The following ASIC2 variants were observed in gnomAD, a reference collection of about 807,000 sequenced individuals.
ASIC2 encodes the protein acid sensing ion channel subunit 2, also known as acid-sensing ion channel 2.
A neutral mutation model predicts 57.3 loss-of-function variants in ASIC2; 25 were observed. That is an observed-to-expected ratio of 0.44 (90% CI 0.32 to 0.61). ASIC2 has a LOEUF of 0.61. Among genes scored for constraint, ASIC2 ranks in the 20% least tolerant of loss-of-function variants. The pLI is 0.06. For synonymous variants in ASIC2, 319 were observed against 307.5 expected, an observed-to-expected ratio of 1.04 and a Z score of -0.39; for missense variants, 641 against 738.1, an observed-to-expected ratio of 0.87 and a Z score of 1.52.
chr17:34,155,053 G>A (rs1161577614), intron 1 of ASIC2, among the ~76,000 whole-genome samples: 1 of 150,844 alleles, frequency 6.6e-6, no homozygotes, highest in African/African-American at 2.4e-5. Flanking sequence ...ATCCCCCTCC[G>A]CTTTTCCTCT....
chr17:33,875,977 T>C (rs1567742549), intron 1 of ASIC2, among the ~76,000 whole-genome samples: 1 of 152,146 alleles, frequency 6.6e-6, no homozygotes, highest in Non-Finnish European at 1.5e-5. Context: ...ATTGTGCTAC[T>C]TTAAAAGAAA....
chr17:33,389,328 T>C (rs1317008722), intron 1 of ASIC2, among the ~76,000 whole-genome samples: 1 of 152,190 alleles, frequency 6.6e-6, no homozygotes, highest in Non-Finnish European at 1.5e-5. Context: ...GCTCATTGAC[T>C]GCAACCAGTC....
At chr17:33,042,933 G>T (rs918438241) in intron 3 of ASIC2, among the ~76,000 whole-genome samples, 113 of 145,398 alleles carry the variant, frequency 7.8e-4, no homozygotes, top group Non-Finnish European at 3.3e-4. Context: ...TCCCTGTTTT[G>T]TTTTTTTTTT....
At chr17:33,017,367 G>A (rs2091812084) in intron 8 of ASIC2, among the ~76,000 whole-genome samples, 1 of 151,662 alleles carries the variant, frequency 6.6e-6, no homozygotes, top group Non-Finnish European at 1.5e-5. Flanking sequence ...GCCCAGTGCT[G>A]TTCCAGCTCC....
intron 1 of ASIC2, among the ~76,000 whole-genome samples, chr17:33,479,506 C>T (rs1053198204): frequency 2.0e-5 from 3 of 152,184 alleles, no homozygotes; most frequent in Non-Finnish European, 2.9e-5. Context: ...TTGTCTTGCA[C>T]ACAACAGTGT....
At chr17:33,739,919 A>G (rs1373957485) in intron 1 of ASIC2, among the ~76,000 whole-genome samples, 7 of 151,052 alleles carry the variant, frequency 4.6e-5, no homozygotes, top group Admixed American at 3.3e-4. Flanking sequence ...AAAGAAAAGA[A>G]AAAAGAAAGA....
intron 1 of ASIC2, among the ~76,000 whole-genome samples, chr17:33,588,345 C>CT (rs1362480741): frequency 6.6e-6 from 1 of 152,166 alleles, no homozygotes; most frequent in Non-Finnish European, 1.5e-5. Flanking sequence ...GGTAAATTCA[C>CT]TTTCTCTTTC....
intron 1 of ASIC2, among the ~76,000 whole-genome samples, chr17:33,137,144 A>T (rs1233991661): frequency 6.6e-6 from 1 of 152,202 alleles, no homozygotes; most frequent in Non-Finnish European, 1.5e-5. Context: ...CTCCACTCAC[A>T]TCTGATTCCT....
intron 1 of ASIC2, among the ~76,000 whole-genome samples, chr17:33,209,595 G>A (rs542466721): frequency 6.6e-6 from 1 of 152,160 alleles, no homozygotes; most frequent in Admixed American, 6.5e-5. Flanking sequence ...CAATTGTCCC[G>A]TGGGGGCCAA....
chr17:33,160,845 C>T lies in ASIC2; in HGVS notation c.709-48778G>A, dbSNP rs532320873. On this transcript the variant is annotated intron_variant, in intron 1 of 9. Transcript: ENST00000225823. Reference sequence around the variant, plus strand: ...CCCTGGGACAATTCATGCCCTGGTCCTCCACCTCAGCTCTTGCACCTCTGA... The same window carrying T: ...CCCTGGGACAATTCATGCCCTGGTCTTCCACCTCAGCTCTTGCACCTCTGA... Among the ~76,000 whole-genome samples the T allele has an allele frequency of 8.5e-5, 13 of 152,244 alleles. No individual in the cohort carries two copies. The South Asian group carries it at 2.7e-3, about 32-fold the overall frequency.
intron 1 of ASIC2, among the ~76,000 whole-genome samples, chr17:33,227,134 C>T (rs904727214): frequency 4.1e-4 from 63 of 152,150 alleles, no homozygotes; most frequent in African/African-American, 1.2e-3. Flanking sequence ...TGCTTGGCAG[C>T]GAGGCCCAAG....
At chr17:33,567,870 C>A (rs988870163) in intron 1 of ASIC2, among the ~76,000 whole-genome samples, 1 of 151,074 alleles carries the variant, frequency 6.6e-6, no homozygotes, top group African/African-American at 2.4e-5. Flanking sequence ...TTTTTTTGGT[C>A]TCTCTCCCCC....
rs1228920002 is a variant in ASIC2, at chr17:33,088,972, G to T, written c.878C>A (p.Ala293Glu). 2 of 1,613,988 alleles carry T rather than the reference G, an allele frequency of 1.2e-6. No individual in the cohort carries two copies. Among genetic ancestry groups the T allele is most frequent in the Non-Finnish European group, 1.7e-6 (2 of 1,179,986 alleles). The part of the protein sequence containing the change: ...WGETEETTFE[A>E]GVKVQIHSQS... ...ACTGTGGATCTGAACTTTCACTCCTGCTTCAAATGTCGTTTCCTCTGAAAG... is the reference window on the plus strand; with the variant it reads ...ACTGTGGATCTGAACTTTCACTCCTTCTTCAAATGTCGTTTCCTCTGAAAG... Residue 293 changes from alanine (A) to glutamate (E), a missense_variant, in exon 3 of 10, where the codon GCA (alanine) becomes GAA (glutamate). Physicochemically the swap from Ala to Glu is moderately radical, Grantham distance 107 (BLOSUM62 -1). Around this residue, in one of 3 missense-constraint regions of ASIC2, gnomAD observed 7 missense variants for 20.3 expected, o/e 0.35. Coordinates refer to ENST00000225823, the MANE Select transcript of ASIC2 (RefSeq NM_183377.2).
intron 1 of ASIC2, among the ~76,000 whole-genome samples, chr17:33,250,566 G>A (rs1908847474): frequency 6.6e-6 from 1 of 152,260 alleles, no homozygotes; most frequent in South Asian, 2.1e-4. Context: ...TCTCGGGCAA[G>A]TCACTGCTCC....
intron 1 of ASIC2, among the ~76,000 whole-genome samples, chr17:33,317,319 C>T (rs928670766): frequency 4.6e-5 from 7 of 152,164 alleles, no homozygotes; most frequent in African/African-American, 1.7e-4. Flanking sequence ...TGAGGGTAGA[C>T]CTTAAAGGGC....
chr17:33,195,875 T>G (rs1212866453), intron 1 of ASIC2, among the ~76,000 whole-genome samples: 1 of 152,164 alleles, frequency 6.6e-6, no homozygotes, highest in East Asian at 1.9e-4. Flanking sequence ...TGCTTACCTG[T>G]TGGGTGAGTC....
chr17:33,815,391 C>T (rs1343462213), intron 1 of ASIC2, among the ~76,000 whole-genome samples: 1 of 152,192 alleles, frequency 6.6e-6, no homozygotes, highest in African/African-American at 2.4e-5. Flanking sequence ...TTCCAATCCT[C>T]CAGCACTGCT....
intron 1 of ASIC2, among the ~76,000 whole-genome samples, chr17:33,508,625 C>T (rs1346644331): frequency 6.6e-6 from 1 of 152,142 alleles, no homozygotes; most frequent in African/African-American, 2.4e-5. Context: ...AAAGGCATTC[C>T]TGAGAAGTCA....
intron 3 of ASIC2, among the ~76,000 whole-genome samples, chr17:33,056,400 A>G (rs548474278): frequency 3.9e-5 from 6 of 152,352 alleles, no homozygotes; most frequent in African/African-American, 1.4e-4. Context: ...TTGCTTGACC[A>G]TAACCCCTGA....
Sources: gnomAD v4.1 joint callset for allele counts (sites outside exome capture counted in the v4.1 genomes callset) on GRCh38, gnomAD v4.1.1 for gene constraint, gnomAD v4.1.1 regional missense constraint, MANE v1.5 for transcripts, NCBI Gene and HGNC (gene_info 2026-07-23, HGNC 2026-07-21) for gene names.